The following PAG1 variants were observed in gnomAD, a reference collection of about 807,000 sequenced individuals.
PAG1 encodes the protein phosphoprotein membrane anchor with glycosphingolipid microdomains 1, also known as phosphoprotein associated with glycosphingolipid-enriched microdomains 1.
In PAG1, 23 loss-of-function variants were observed where a neutral mutation model predicts 31.7. The ratio of observed to expected loss-of-function variants is 0.73; its 90% confidence interval spans 0.52 to 1.03. The LOEUF (loss-of-function observed/expected upper bound fraction) is 1.03. PAG1 is among the 50% of genes least tolerant of loss of function. The pLI, the probability that PAG1 is intolerant of heterozygous loss-of-function variation, is 0.00. For synonymous variants in PAG1, 214 were observed against 210.3 expected (o/e 1.02, Z -0.15); for missense variants, 473 against 540.7 (o/e 0.87, Z 1.24).
intron 2 of PAG1, among the ~76,000 whole-genome samples, chr8:81,066,706 CTTAGT>C (rs1224690386): frequency 2.6e-5 from 4 of 151,870 alleles, no homozygotes; most frequent in Admixed American, 2.0e-4. Context: ...TTAAAAGTAG[CTTAGT>C]TGATATTTCA....
intron 1 of PAG1, among the ~76,000 whole-genome samples, chr8:81,087,689 G>C (rs1163571369): frequency 6.6e-6 from 1 of 152,168 alleles, no homozygotes; most frequent in East Asian, 1.9e-4. Context: ...GACTTGACTT[G>C]CACAAAGTTA....
intron 2 of PAG1, among the ~76,000 whole-genome samples, chr8:81,064,783 C>T (rs747763906): frequency 6.6e-6 from 1 of 152,198 alleles, no homozygotes; most frequent in Non-Finnish European, 1.5e-5. Flanking sequence ...AATCAATGCT[C>T]TTGGAGCTTA....
intron 1 of PAG1, among the ~76,000 whole-genome samples, chr8:81,078,132 C>T (rs1000959214): frequency 6.6e-6 from 1 of 152,192 alleles, no homozygotes; most frequent in African/African-American, 2.4e-5. Flanking sequence ...GCCAGAGTTT[C>T]TGGGTTTGAA....
At chr8:80,985,968 A>C (rs1220390396) in intron 6 of PAG1, among the ~76,000 whole-genome samples, 1 of 152,194 alleles carries the variant, frequency 6.6e-6, no homozygotes, top group African/African-American at 2.4e-5. Context: ...GAAAAAAACC[A>C]AATGTGAAAT....
chr8:81,005,886 C>G (rs1261515680), intron 3 of PAG1, among the ~76,000 whole-genome samples: 1 of 152,086 alleles, frequency 6.6e-6, no homozygotes, highest in Non-Finnish European at 1.5e-5. Flanking sequence ...GGGCTGAGGC[C>G]CAGATATAAT....
chr8:81,036,072 G>A (rs1182412152), intron 2 of PAG1, among the ~76,000 whole-genome samples: 1 of 152,068 alleles, frequency 6.6e-6, no homozygotes, highest in Non-Finnish European at 1.5e-5. Context: ...ACTGATCCCT[G>A]TGACATTTCT....
intron 3 of PAG1, among the ~76,000 whole-genome samples, chr8:81,009,184 A>T (rs1185805572): frequency 2.0e-5 from 3 of 152,150 alleles, no homozygotes; most frequent in African/African-American, 7.2e-5. Context: ...TGCCTACACC[A>T]ATGCCAATTA....
At chr8:80,987,508 C>T in intron 5 of PAG1, 42 bp from the exon 6 acceptor site, 4 of 1,366,910 alleles carry the variant, frequency 2.9e-6, no homozygotes, top group South Asian at 1.2e-5. Context: ...CATCACATTG[C>T]TAAGAATCTG....
At chr8:81,051,604 A>G (rs1563643640) in intron 2 of PAG1, among the ~76,000 whole-genome samples, 1 of 152,224 alleles carries the variant, frequency 6.6e-6, no homozygotes. Flanking sequence ...GGGTTTTTAC[A>G]TTCTTAAGAC....
At chr8:81,020,528 CTT>C (rs1251242933) in intron 3 of PAG1, among the ~76,000 whole-genome samples, 4 of 152,178 alleles carry the variant, frequency 2.6e-5, no homozygotes, top group African/African-American at 7.2e-5. Context: ...CAAGCTCTCT[CTT>C]GCCTGCCGCC....
Position 81,029,255 on chromosome 8 carries a change from T to G in PAG1, c.-81+741A>C, listed in dbSNP as rs370101386. On this transcript the variant is annotated intron_variant, in intron 3 of 8. Transcript: ENST00000220597. Reference sequence around the variant, plus strand: ...TGAATTCAGCTGCTTCTGTTAAGCCTTTATTCCCACTAAGCTCATGATTCA... The same window carrying G: ...TGAATTCAGCTGCTTCTGTTAAGCCGTTATTCCCACTAAGCTCATGATTCA... Among the ~76,000 whole-genome samples, 17 of 152,248 alleles carry G rather than the reference T, an allele frequency of 1.1e-4. No individual in the cohort carries two copies. In the East Asian group the frequency reaches 2.9e-3, roughly 26 times the overall value.
At chr8:80,988,509 G>A (rs537100553) in intron 5 of PAG1, among the ~76,000 whole-genome samples, 1 of 152,212 alleles carries the variant, frequency 6.6e-6, no homozygotes, top group South Asian at 2.1e-4. Flanking sequence ...TGCCCAGGCT[G>A]GAGTGCAGTA....
intron 2 of PAG1, among the ~76,000 whole-genome samples, chr8:81,050,325 C>A (rs1808707434): frequency 6.6e-6 from 1 of 151,858 alleles, no homozygotes; most frequent in Non-Finnish European, 1.5e-5. Flanking sequence ...ATTCATATAC[C>A]CAAATGTCAG....
intron 1 of PAG1, among the ~76,000 whole-genome samples, chr8:81,104,571 A>C (rs1251758657): frequency 6.6e-6 from 1 of 152,130 alleles, no homozygotes; most frequent in East Asian, 1.9e-4. Context: ...GGTGCCTCAC[A>C]GTGCATAAAT....
Position 81,080,444 on chromosome 8 carries a change from G to A in PAG1, c.-233-10274C>T, listed in dbSNP as rs552005853. Among the ~76,000 whole-genome samples, 5 of 152,232 alleles carry A rather than the reference G, an allele frequency of 3.3e-5. No homozygotes were observed. In the South Asian group the frequency reaches 8.3e-4, roughly 25 times the overall value. On this transcript the variant is annotated intron_variant, in intron 1 of 8. Coordinates refer to ENST00000220597, the MANE Select transcript of PAG1 (RefSeq NM_018440.4). The stretch of plus-strand genomic sequence containing the variant: ...ATAAAAGCCATGATTTGGTAGCTAG[G>A]TGGGTAGAGGCATTTCCTCTACTGT...
chr8:81,022,617 ATAT>A (rs1462247024), intron 3 of PAG1, among the ~76,000 whole-genome samples: 1 of 152,206 alleles, frequency 6.6e-6, no homozygotes, highest in Admixed American at 6.5e-5. Context: ...TAATGCCCAT[ATAT>A]TATTGGGAAA....
At chr8:81,089,902 A>G (rs1407183856) in intron 1 of PAG1, among the ~76,000 whole-genome samples, 2 of 152,200 alleles carry the variant, frequency 1.3e-5, no homozygotes, top group Non-Finnish European at 2.9e-5. Context: ...TTGAAATTGC[A>G]TTAAAATTAT....
rs771898541 is a variant in PAG1 at position 80,990,023 on chromosome 8, C to T, written c.177+1456G>A. 2.0e-5 allele frequency among the ~76,000 whole-genome samples: 3 copies of T among 152,058 alleles called. No individual in the cohort carries two copies. The highest frequency in any genetic ancestry group is 2.1e-4 in the South Asian group (1 of 4,820). ...TGCATGGGGAGAAGCGACAGTGGGGCGTTCCCTCCATCCCTCCCACCCTCC... is the reference window on the plus strand; with the variant it reads ...TGCATGGGGAGAAGCGACAGTGGGGTGTTCCCTCCATCCCTCCCACCCTCC... On this transcript the variant is annotated intron_variant, in intron 5 of 8. Transcript: ENST00000220597. This position sits in a 1 kb window ranked among gnomAD's most constrained non-coding sequence, Gnocchi z 5.1.
In PAG1 at chr8:81,111,630, C is replaced by G; in HGVS notation, c.-273G>C. 1 of 152,402 alleles carries G rather than the reference C, an allele frequency of 6.6e-6. No individual in the cohort carries two copies. Among genetic ancestry groups the G allele is most frequent in the East Asian group, 1.9e-4 (1 of 5,188 alleles). The allele number at this position is 152,402 out of a possible 1,614,324, so 9.4% of individuals were successfully genotyped here. ...CAGGGAGTCTTCCTGGCGGACGGCG[C>G]TCGGAGGCAGCCTCTGCAAACTCCG... On this transcript the variant is annotated 5_prime_UTR_variant, in exon 1 of 9. Coordinates refer to ENST00000220597, the MANE Select transcript of PAG1 (RefSeq NM_018440.4).
Sources: allele counts gnomAD v4.1 joint callset (sites outside exome capture counted in the v4.1 genomes callset), GRCh38; gene constraint gnomAD v4.1.1; non-coding constraint Gnocchi (gnomAD v3.1); transcripts MANE v1.5; gene names NCBI Gene and HGNC (gene_info 2026-07-23, HGNC 2026-07-21).